UGP2: variants seen among roughly 807,000 people sequenced by gnomAD.
UGP2 encodes UTP--glucose-1-phosphate uridylyltransferase.
Under a neutral mutation model 49.0 loss-of-function variants are expected in UGP2, and 40 were observed. The ratio of observed to expected loss-of-function variants is 0.82; its 90% CI spans 0.63 to 1.06. The LOEUF is 1.06. UGP2 is among the 50% of genes least tolerant of loss of function. UGP2 has a pLI of 0.00. For missense variants in UGP2, 460 were observed against 603.5 expected (o/e 0.76, Z 2.49); for synonymous variants, 225 against 213.0 (o/e 1.06, Z -0.49).
intron 1 of UGP2, chr2:63,846,145 TTCCAGGGCCCCCAGTTATTCTAAA>T (rs1389844076): frequency 2.6e-5 from 4 of 152,224 alleles, no homozygotes; most frequent in African/African-American, 4.8e-5. Context: ...CCAGGGATTG[TTCCAGGGCCCCCAGTTATTCTAAA>T]TGGATGTGAG....
intron 7 of UGP2, 144 bp from the exon 8 acceptor site, chr2:63,887,258 C>A: frequency 3.6e-6 from 4 of 1,104,800 alleles, no homozygotes; most frequent in Admixed American, 2.4e-5. Context: ...GATCAAGACT[C>A]CTTCTCAAAA....
At chr2:63,846,764 C>T (rs1671963189) in intron 1 of UGP2, among the ~76,000 whole-genome samples, 1 of 152,136 alleles carries the variant, frequency 6.6e-6, no homozygotes, top group African/African-American at 2.4e-5. Flanking sequence ...CCAAATTTAG[C>T]CTGTTGCTGA....
intron 3 of UGP2, among the ~76,000 whole-genome samples, chr2:63,864,326 G>C: frequency 6.6e-6 from 1 of 151,938 alleles, no homozygotes; most frequent in East Asian, 1.9e-4. Context: ...CTAAGACCTG[G>C]TTCTTTGGTA....
chr2:63,857,728 TC>T, intron 2 of UGP2, 100 bp from the exon 3 acceptor site: 2 of 1,209,398 alleles, frequency 1.7e-6, no homozygotes, highest in African/African-American at 1.5e-5. Context: ...TGTAAGAATT[TC>T]ATTTAACGAT....
chr2:63,870,995 T>C (rs987628388), intron 3 of UGP2, among the ~76,000 whole-genome samples: 1 of 152,258 alleles, frequency 6.6e-6, no homozygotes, highest in Admixed American at 6.5e-5. Flanking sequence ...CATACATGTG[T>C]GACTGCACAT....
chr2:63,855,520 G>GTTTTTTTTTTTTTTTTTTCTTT, intron 1 of UGP2: 1 of 192,240 alleles, frequency 5.2e-6, no homozygotes, highest in Non-Finnish European at 1.0e-5. Flanking sequence ...TTCTTTTTCT[G>GTTTTTTTTTTTTTTTTTTCTTT]TTTTTTTTTT....
intron 1 of UGP2, among the ~76,000 whole-genome samples, chr2:63,844,935 A>G (rs542319036): frequency 1.3e-5 from 2 of 152,244 alleles, no homozygotes; most frequent in African/African-American, 2.4e-5. Flanking sequence ...AACATTAACA[A>G]CTGTGGAAAT....
chr2:63,883,651 G>C (rs893079668), intron 4 of UGP2, among the ~76,000 whole-genome samples: 6 of 152,176 alleles, frequency 3.9e-5, no homozygotes, highest in African/African-American at 7.2e-5. Flanking sequence ...ACTGCCTAGG[G>C]TGGGGAGGTG....
chr2:63,888,086 A>G (rs2104367132), intron 8 of UGP2: 1 of 157,650 alleles, frequency 6.3e-6, no homozygotes, highest in South Asian at 1.9e-4. Flanking sequence ...AATGTATGAT[A>G]TACCAAGTGG....
intron 3 of UGP2, among the ~76,000 whole-genome samples, chr2:63,861,308 A>G (rs1669825510): frequency 6.6e-6 from 1 of 152,038 alleles, no homozygotes; most frequent in Non-Finnish European, 1.5e-5. Context: ...TTGGGCATGG[A>G]CAGGGATGGG....
intron 3 of UGP2, among the ~76,000 whole-genome samples, chr2:63,877,623 T>A (rs1670993015): frequency 6.6e-6 from 1 of 152,230 alleles, no homozygotes; most frequent in African/African-American, 2.4e-5. Context: ...AACATCAGTT[T>A]TCATTGCATA....
At chr2:63,842,377 A>G in intron 1 of UGP2, 173 bp downstream of exon 1, 1 of 1,599,600 alleles carries the variant, frequency 6.3e-7, no homozygotes, top group South Asian at 1.1e-5. Flanking sequence ...TTGACGTTCC[A>G]GACGCGTATA....
intron 3 of UGP2, among the ~76,000 whole-genome samples, chr2:63,864,365 C>CT (rs1478044153): frequency 6.6e-6 from 1 of 152,188 alleles, no homozygotes; most frequent in Non-Finnish European, 1.5e-5. Context: ...GAGTACATCC[C>CT]TATGTTTATC....
chr2:63,889,808 G>C lies in UGP2; in HGVS notation c.1315-273G>C, dbSNP rs183649433. 8.5e-4 allele frequency: 222 copies of C among 260,324 alleles called. 3 individuals are homozygous for C. The highest frequency in any genetic ancestry group is 4.5e-3 in the African/African-American group (199 of 43,906). The allele number at this position is 260,324 out of a possible 1,614,324, so 16.1% of individuals were successfully genotyped here. A position where few individuals can be genotyped will look rare whatever the true frequency, so the allele number is the denominator to read the frequency against. On this transcript the variant is annotated intron_variant, in intron 8 of 9. Coordinates refer to ENST00000337130, the MANE Select transcript of UGP2 (RefSeq NM_006759.4). ...CTATTCATCTGGCTCTTGGCATGTT[G>C]ATTATCTTTAAAAAAAAAAAGAAAA... is the stretch of plus-strand genomic sequence containing the variant.
chr2:63,890,061 T>C lies in UGP2; in HGVS notation c.1315-20T>C. 9 of 1,569,582 alleles carry C rather than the reference T, an allele frequency of 5.7e-6. No individual in the cohort carries two copies. The East Asian group carries it at 1.6e-4, about 27-fold the overall frequency. On this transcript the variant is annotated intron_variant, in intron 8 of 9. Transcript: ENST00000337130. Reference sequence around the variant, plus strand: ...TGAACCCATTTGAGACAAATTTTTATGTTTCTCCTTTTCTGTAAGGTTCAA... The same window carrying C: ...TGAACCCATTTGAGACAAATTTTTACGTTTCTCCTTTTCTGTAAGGTTCAA...
chr2:63,891,189 A>C lies in UGP2; in HGVS notation c.1489A>C (p.Lys497Gln). 6.2e-7 allele frequency: 1 copy of C among 1,613,912 alleles called. No homozygotes were observed. Among genetic ancestry groups the C allele is most frequent in the Non-Finnish European group, 8.5e-7 (1 of 1,179,880 alleles). Reference sequence around the variant, plus strand: ...CCCACCTGGAGCAGTATTAGAGAACAAGATTGTGTCTGGAAACCTTCGCAT... The same window carrying C: ...CCCACCTGGAGCAGTATTAGAGAACCAGATTGTGTCTGGAAACCTTCGCAT... Reference protein sequence around the residue: ...DIPPGAVLENKIVSGNLRILD... With the variant: ...DIPPGAVLENQIVSGNLRILD... The change falls in exon 10 of 10, where the codon AAG (lysine) becomes CAG (glutamine). Residue 497 changes from lysine (K) to glutamine (Q), a missense_variant. Coordinates refer to ENST00000337130, the MANE Select transcript of UGP2 (RefSeq NM_006759.4).
At chr2:63,866,715 G>C (rs930935428) in intron 3 of UGP2, among the ~76,000 whole-genome samples, 2 of 152,098 alleles carry the variant, frequency 1.3e-5, no homozygotes, top group African/African-American at 4.8e-5. Flanking sequence ...CAAATAGGTG[G>C]GAAATGAGGG....
chr2:63,842,056 A>T lies in UGP2; in HGVS notation c.-130A>T. On this transcript the variant is annotated 5_prime_UTR_variant, in exon 1 of 10. Coordinates refer to ENST00000337130, the MANE Select transcript of UGP2 (RefSeq NM_006759.4). ...AATCGCTTTGAATAAATACTCCCTTAAGTAGTTAAATATAGGAGGAGAAAG... is the reference window on the plus strand; with the variant it reads ...AATCGCTTTGAATAAATACTCCCTTTAGTAGTTAAATATAGGAGGAGAAAG... 1 of 1,117,710 alleles carries T rather than the reference A, an allele frequency of 8.9e-7. No individual in the cohort carries two copies. Among genetic ancestry groups the T allele is most frequent in the Non-Finnish European group, 1.3e-6 (1 of 792,646 alleles). The allele number at this position is 1,117,710 out of a possible 1,614,324, so 69.2% of individuals were successfully genotyped here.
intron 1 of UGP2, among the ~76,000 whole-genome samples, chr2:63,847,460 T>C (rs1672009914): frequency 1.3e-5 from 2 of 152,182 alleles, no homozygotes; most frequent in Non-Finnish European, 2.9e-5. Flanking sequence ...TGCAGAAGTA[T>C]AGGCTTTCAT....
Sources: gnomAD v4.1 joint callset for allele counts (sites outside exome capture counted in the v4.1 genomes callset) on GRCh38, gnomAD v4.1.1 for gene constraint, MANE v1.5 for transcripts, NCBI Gene and HGNC (gene_info 2026-07-23, HGNC 2026-07-21) for gene names.